TG: variants seen among roughly 807,000 people sequenced by gnomAD.
TG encodes thyroid hormones.
A neutral mutation model predicts 324.7 loss-of-function variants in TG; 270 were observed. That is an observed-to-expected ratio of 0.83 (90% CI 0.75 to 0.92). The LOEUF (loss-of-function observed/expected upper bound fraction) is 0.92, where lower values mean the gene tolerates loss of function less well. TG is among the 40% of genes least tolerant of loss of function. TG has a pLI of 0.00. For synonymous variants in TG, 1,401 were observed against 1,327.0 expected (o/e 1.06, Z -1.21); for missense variants, 3,591 against 3,456.4 (o/e 1.04, Z -0.98).
chr8:132,897,865 G>C, intron 12 of TG, 79 bp downstream of exon 12: 4 of 1,552,572 alleles, frequency 2.6e-6, no homozygotes, highest in Non-Finnish European at 3.5e-6. Context: ...ACACTGGGAG[G>C]CAAGTGAGCT....
At chr8:133,041,746 C>A (rs1219533545) in intron 41 of TG, among the ~76,000 whole-genome samples, 1 of 151,622 alleles carries the variant, frequency 6.6e-6, no homozygotes, top group Non-Finnish European at 1.5e-5. Flanking sequence ...TAGCCTCGTA[C>A]CCTGGATCTC....
intron 41 of TG, among the ~76,000 whole-genome samples, chr8:133,067,207 G>A (rs1288377485): frequency 6.6e-6 from 1 of 152,138 alleles, no homozygotes; most frequent in Non-Finnish European, 1.5e-5. Flanking sequence ...GCGAGGCTGG[G>A]GGCTGCCGAG....
chr8:132,983,747 A>G (rs1418933533), intron 35 of TG: 3 of 411,960 alleles, frequency 7.3e-6, no homozygotes, highest in African/African-American at 4.1e-5. Flanking sequence ...TCCGGAGGCA[A>G]TGTCAAGAAT....
In TG at chr8:133,055,933, A is replaced by G. The variant is rs561403739; in HGVS notation, c.7239+25910A>G. ...GTGGTGGTACCGAGGTTACCCCTGA[A>G]GTCCTCACGCCTCCCTGTGAGGTTG... On this transcript the variant is annotated intron_variant, in intron 41 of 47. Coordinates refer to ENST00000220616, the MANE Select transcript of TG (RefSeq NM_003235.5). 3.3e-5 allele frequency among the ~76,000 whole-genome samples: 5 copies of G among 152,166 alleles called. No homozygotes were observed. The East Asian group carries it at 7.7e-4, about 24-fold the overall frequency.
intron 35 of TG, among the ~76,000 whole-genome samples, chr8:132,988,163 A>T (rs1831831116): frequency 6.6e-6 from 1 of 152,076 alleles, no homozygotes; most frequent in South Asian, 2.1e-4. Context: ...CCATCTGCAC[A>T]GTGGAACTGT....
intron 11 of TG, among the ~76,000 whole-genome samples, chr8:132,894,411 G>A (rs534378962): frequency 9.0e-4 from 136 of 151,904 alleles, no homozygotes; most frequent in African/African-American, 3.1e-3. Context: ...AGAGGCATAA[G>A]CTCAGGGAGC....
intron 35 of TG, among the ~76,000 whole-genome samples, chr8:133,004,419 C>T (rs1227695667): frequency 6.6e-6 from 1 of 152,138 alleles, no homozygotes; most frequent in Non-Finnish European, 1.5e-5. Context: ...AAGTTCTGCA[C>T]TGTGACCTGG....
intron 35 of TG, among the ~76,000 whole-genome samples, chr8:132,996,640 TA>T (rs537178039): frequency 1.3e-3 from 196 of 152,274 alleles, no homozygotes; most frequent in African/African-American, 4.6e-3. Context: ...GATTTAAAAA[TA>T]AACAAATTGC....
intron 23 of TG, among the ~76,000 whole-genome samples, chr8:132,932,370 C>A (rs1429926376): frequency 6.6e-6 from 1 of 152,118 alleles, no homozygotes; most frequent in Admixed American, 6.5e-5. Flanking sequence ...CTTTCCCTCG[C>A]CTTTCAGCTG....
At chr8:132,979,881 C>A (rs964129818) in intron 34 of TG, among the ~76,000 whole-genome samples, 3 of 152,108 alleles carry the variant, frequency 2.0e-5, no homozygotes, top group Admixed American at 2.0e-4. Flanking sequence ...GAAGACTGCC[C>A]CCACTTCAGA....
In TG at chr8:132,966,604, A is replaced by G. The variant is rs370980114; in HGVS notation, c.5593A>G (p.Ile1865Val). ...CTCCCCTGTGGACCTCAACCAGGTC[A>G]TTGTCAATGGAAATCAATCACTATC... is the stretch of plus-strand genomic sequence containing the variant. ...LFSPVDLNQV[I>V]VNGNQSLSSQ... Residue 1865 changes from isoleucine to valine, a missense_variant, in exon 30 of 48, where the codon ATT (isoleucine) becomes GTT (valine). Transcript: ENST00000220616. 1.5e-5 allele frequency: 25 copies of G among 1,613,982 alleles called. No individual in the cohort carries two copies. In the African/African-American group the frequency reaches 2.8e-4, roughly 18 times the overall value.
At position 132,897,679 on chromosome 8, in the gene TG, C is replaced by T. The variant is rs1817314223; in HGVS notation, c.3032C>T (p.Ser1011Phe). The change falls in exon 12 of 48, where the codon TCC (serine) becomes TTC (phenylalanine). Residue 1011 changes from serine to phenylalanine, a missense_variant. Physicochemically the swap from Ser to Phe is radical, Grantham distance 155 (BLOSUM62 -2). Transcript: ENST00000220616. Reference sequence around the variant, plus strand: ...AGCTTCTATCAGAGACGCCGCTTTTCCCCGGACGACTCGGCTGGAGCATCC... The same window carrying T: ...AGCTTCTATCAGAGACGCCGCTTTTTCCCGGACGACTCGGCTGGAGCATCC... The part of the protein sequence containing the change: ...TLSFYQRRRF[S>F]PDDSAGASAL... 2 of 1,614,116 alleles carry T rather than the reference C, an allele frequency of 1.2e-6. No homozygotes were observed. Among genetic ancestry groups the T allele is most frequent in the Admixed American group, 3.3e-5 (2 of 60,012 alleles).
In TG at chr8:132,906,721, A is replaced by C. The variant is rs751571530; in HGVS notation, c.3668A>C (p.Glu1223Ala). 1.6e-5 allele frequency: 26 copies of C among 1,614,060 alleles called. No homozygotes were observed. Among genetic ancestry groups the C allele is most frequent in the Middle Eastern group, 1.6e-4 (1 of 6,078 alleles). ...PRCPLPFNAS[E>A]VVGGTILCET... ...TGTCCGCTGCCATTCAACGCGTCGGAGGTGGTTGGTGGAACAATCCTGTGT... is the reference window on the plus strand; with the variant it reads ...TGTCCGCTGCCATTCAACGCGTCGGCGGTGGTTGGTGGAACAATCCTGTGT... Residue 1223 changes from glutamate (E) to alanine (A), a missense_variant, in exon 17 of 48, where the codon GAG (glutamate) becomes GCG (alanine). Transcript: ENST00000220616.
chr8:133,114,344 G>T (rs1258374586), intron 44 of TG, among the ~76,000 whole-genome samples: 1 of 152,128 alleles, frequency 6.6e-6, no homozygotes, highest in Non-Finnish European at 1.5e-5. Context: ...AAAGGCTGCA[G>T]CCCCCAGGCC....
intron 41 of TG, among the ~76,000 whole-genome samples, chr8:133,054,892 A>T (rs549541599): frequency 1.2e-4 from 18 of 152,220 alleles, no homozygotes; most frequent in African/African-American, 4.3e-4. Flanking sequence ...CTGCATGACC[A>T]TTTCTTTTTA....
At chr8:132,900,423 C>A in intron 15 of TG, 84 bp downstream of exon 15, 1 of 1,261,952 alleles carries the variant, frequency 7.9e-7, no homozygotes, top group Non-Finnish European at 1.1e-6. Context: ...GCTTCGTGTC[C>A]CAGCTCTACT....
intron 8 of TG, among the ~76,000 whole-genome samples, chr8:132,885,017 C>A (rs910259830): frequency 6.6e-6 from 1 of 152,170 alleles, no homozygotes; most frequent in African/African-American, 2.4e-5. Flanking sequence ...CCAATCTTTC[C>A]CCTCCCACCA....
At chr8:133,094,334 G>A (rs568708877) in intron 41 of TG, among the ~76,000 whole-genome samples, 8 of 147,518 alleles carry the variant, frequency 5.4e-5, no homozygotes, top group South Asian at 2.2e-4. Context: ...TCCGCCTCCC[G>A]GGTTCACGCC....
chr8:132,944,757 T>G (rs917707868), intron 26 of TG, among the ~76,000 whole-genome samples: 8 of 152,216 alleles, frequency 5.3e-5, no homozygotes, highest in African/African-American at 1.7e-4. Flanking sequence ...CAAGTGAATA[T>G]TGCATTGAAA....
Sources: gnomAD v4.1 joint callset for allele counts (sites outside exome capture counted in the v4.1 genomes callset) on GRCh38, gnomAD v4.1.1 for gene constraint, MANE v1.5 for transcripts, NCBI Gene and HGNC (gene_info 2026-07-23, HGNC 2026-07-21) for gene names.